Variants in DCBLD1 observed in about 807,000 individuals in gnomAD.
DCBLD1 encodes discoidin, CUB and LCCL domain containing 1, also known as discoidin, CUB and LCCL domain-containing protein 1.
A neutral mutation model predicts 71.5 loss-of-function variants in DCBLD1; 57 were observed. The observed-to-expected ratio is 0.80, with a 90% CI of 0.64 to 0.99. DCBLD1 has a LOEUF of 0.99. Ranked by LOEUF, DCBLD1 falls within the 50% of genes least tolerant of loss-of-function variation. The pLI is 0.00. For synonymous variants in DCBLD1, 380 were observed against 363.8 expected, an observed-to-expected ratio of 1.04 and a Z score of -0.51; for missense variants, 891 against 923.5, an observed-to-expected ratio of 0.96 and a Z score of 0.46.
chr6:117,524,704 T>C (rs1321719469), intron 4 of DCBLD1, among the ~76,000 whole-genome samples: 1 of 152,118 alleles, frequency 6.6e-6, no homozygotes, highest in Non-Finnish European at 1.5e-5. Flanking sequence ...AGAGAAAATA[T>C]CTTATTGGTA....
At chr6:117,525,950 C>T (rs1296576027) in intron 5 of DCBLD1, among the ~76,000 whole-genome samples, 3 of 152,160 alleles carry the variant, frequency 2.0e-5, no homozygotes, top group African/African-American at 7.2e-5. Flanking sequence ...CATAATCCTC[C>T]ACTTGTTTCT....
In DCBLD1 at chr6:117,549,182, G is replaced by C. The variant is rs890616954; in HGVS notation, c.*743G>C. ...TCCGGTGACCATGAAGGTGGCACAG[G>C]AATTACAGTGTGAATGGCTGTGTCA... On this transcript the variant is annotated 3_prime_UTR_variant, in exon 15 of 15. Transcript: ENST00000338728. 2.0e-6 allele frequency: 2 copies of C among 985,328 alleles called. No homozygotes were observed. The highest frequency in any genetic ancestry group is 3.5e-5 in the African/African-American group (2 of 57,222). The allele number at this position is 985,328 out of a possible 1,614,324, so 61.0% of individuals were successfully genotyped here.
At position 117,525,306 on chromosome 6, in the gene DCBLD1, A is replaced by AT. The variant is rs1217016454; in HGVS notation, c.513-49dup. ...ACTTTAAAAATTTAAGTACAGTTTA[A>AT]TTTTTTTGGTTGTGTAATTTAATAA... On this transcript the variant is annotated intron_variant, in intron 4 of 14. Coordinates refer to ENST00000338728, the MANE Select transcript of DCBLD1 (RefSeq NM_001366458.2). 48 of 1,318,660 alleles carry AT rather than the reference A, an allele frequency of 3.6e-5. 1 individual carries two copies. In the East Asian group the frequency reaches 1.1e-3, roughly 29 times the overall value. The allele number at this position is 1,318,660 out of a possible 1,614,324, so 81.7% of individuals were successfully genotyped here. A position where few individuals can be genotyped will look rare whatever the true frequency, so the allele number is the denominator to read the frequency against.
chr6:117,523,342 G>A (rs895106892), intron 4 of DCBLD1, among the ~76,000 whole-genome samples: 1 of 152,172 alleles, frequency 6.6e-6, no homozygotes, highest in South Asian at 2.1e-4. Context: ...AAAGCCTTTT[G>A]TAACTCATTT....
intron 5 of DCBLD1, among the ~76,000 whole-genome samples, chr6:117,528,372 C>T (rs1485790953): frequency 1.3e-5 from 2 of 152,166 alleles, no homozygotes; most frequent in African/African-American, 4.8e-5. Flanking sequence ...TATCATTCCA[C>T]CAACATTTTT....
chr6:117,499,207 G>A (rs967196126), intron 1 of DCBLD1, among the ~76,000 whole-genome samples: 3 of 146,772 alleles, frequency 2.0e-5, no homozygotes, highest in Non-Finnish European at 3.0e-5. Flanking sequence ...TTCCAGACCA[G>A]CCTGGGCGAC....
At chr6:117,543,310 A>G in intron 12 of DCBLD1, 99 bp downstream of exon 12, 1 of 945,588 alleles carries the variant, frequency 1.1e-6, no homozygotes, top group South Asian at 1.4e-5. Context: ...CAAAAGCAGC[A>G]TGGCTTCTTT....
At chr6:117,529,749 G>T (rs1399379924) in intron 5 of DCBLD1, among the ~76,000 whole-genome samples, 1 of 152,036 alleles carries the variant, frequency 6.6e-6, no homozygotes, top group Admixed American at 6.6e-5. Context: ...AGACTTGATG[G>T]CTAGTCTTTT....
At chr6:117,517,258 A>G (rs1778231332) in intron 2 of DCBLD1, among the ~76,000 whole-genome samples, 1 of 152,258 alleles carries the variant, frequency 6.6e-6, no homozygotes, top group South Asian at 2.1e-4. Context: ...TCTGAAATCC[A>G]GTGGGGCAGT....
intron 2 of DCBLD1, among the ~76,000 whole-genome samples, chr6:117,514,329 C>T (rs1016675382): frequency 2.0e-5 from 3 of 152,106 alleles, no homozygotes; most frequent in Admixed American, 6.5e-5. Context: ...TCAGACCAGG[C>T]GCTGTGGCCC....
chr6:117,541,737 C>G (rs12197399), intron 11 of DCBLD1, among the ~76,000 whole-genome samples: 15,855 of 152,168 alleles, frequency 0.1, 898 homozygotes, highest in Middle Eastern at 0.14. Context: ...ATCACCAAAT[C>G]TCACTGTTTC....
intron 1 of DCBLD1, among the ~76,000 whole-genome samples, chr6:117,483,769 C>A (rs1199245747): frequency 6.6e-6 from 1 of 151,658 alleles, no homozygotes; most frequent in Non-Finnish European, 1.5e-5. Flanking sequence ...TCCTCCCTTG[C>A]TCCTGGCCGT....
intron 1 of DCBLD1, among the ~76,000 whole-genome samples, chr6:117,485,958 A>T (rs1777071920): frequency 6.6e-6 from 1 of 152,246 alleles, no homozygotes; most frequent in Non-Finnish European, 1.5e-5. Context: ...ACTCAGAAAC[A>T]GTGAGTTATA....
chr6:117,531,644 A>G (rs1003485277), intron 5 of DCBLD1, among the ~76,000 whole-genome samples: 2 of 152,206 alleles, frequency 1.3e-5, no homozygotes, highest in Non-Finnish European at 2.9e-5. Context: ...TGAGTTGCTC[A>G]TCATCCCTCT....
Position 117,540,566 on chromosome 6 carries a change from A to C in DCBLD1, c.1102-102A>C, listed in dbSNP as rs566010911. 46 of 1,443,828 alleles carry C rather than the reference A, an allele frequency of 3.2e-5. No individual in the cohort carries two copies. In the East Asian group the frequency reaches 1.0e-3, roughly 32 times the overall value. 89.4% of individuals were successfully genotyped at this position (1,443,828 alleles called of 1,614,324 possible). ...GTGTCTAGAAAAATGCAACCGACAT[A>C]GAATCCTTGCCTTGGTTTCATATAA... On this transcript the variant is annotated intron_variant, in intron 9 of 14. Coordinates refer to ENST00000338728, the MANE Select transcript of DCBLD1 (RefSeq NM_001366458.2).
At chr6:117,533,290 C>T (rs989136937) in intron 6 of DCBLD1, among the ~76,000 whole-genome samples, 5 of 152,106 alleles carry the variant, frequency 3.3e-5, no homozygotes, top group African/African-American at 1.2e-4. Flanking sequence ...AATGTCAGGA[C>T]CTATATATTC....
chr6:117,490,142 G>A (rs1450391806), intron 1 of DCBLD1, among the ~76,000 whole-genome samples: 1 of 151,236 alleles, frequency 6.6e-6, no homozygotes, highest in Non-Finnish European at 1.5e-5. Flanking sequence ...GCAAATACAT[G>A]TGTGTACACA....
At chr6:117,541,319 A>G (rs1283225841) in intron 11 of DCBLD1, among the ~76,000 whole-genome samples, 1 of 152,224 alleles carries the variant, frequency 6.6e-6, no homozygotes, top group Non-Finnish European at 1.5e-5. Flanking sequence ...CATACAAAAA[A>G]AAAATGGAAA....
chr6:117,538,681 G>A lies in DCBLD1; in HGVS notation c.822G>A (p.Gln274=). The A allele has an allele frequency of 1.2e-6, 2 of 1,614,136 alleles. No individual in the cohort carries two copies. The highest frequency in any genetic ancestry group is 1.7e-6 in the Non-Finnish European group (2 of 1,180,032). ...AAATCAGAGCTTCTTCCTCATGGCA[G>A]TCGGTCAATGAGAGTGGAGACCAAG... ...DGQIRASSSW[Q]SVNESGDQVH... Residue 274 remains glutamine, a synonymous_variant, in exon 8 of 15, where the codon CAG becomes CAA. Transcript: ENST00000338728.
Sources: gnomAD v4.1 joint callset for allele counts (sites outside exome capture counted in the v4.1 genomes callset) on GRCh38, gnomAD v4.1.1 for gene constraint, MANE v1.5 for transcripts, NCBI Gene and HGNC (gene_info 2026-07-23, HGNC 2026-07-21) for gene names.